PRPSAP2: variants seen among roughly 807,000 people sequenced by gnomAD.
PRPSAP2 encodes the protein phosphoribosyl pyrophosphate synthase-associated protein 2.
Under a neutral mutation model 40.6 loss-of-function variants are expected in PRPSAP2, and 24 were observed. The ratio of observed to expected loss-of-function variants is 0.59; its 90% CI spans 0.43 to 0.83. The LOEUF is 0.83. PRPSAP2 is among the 40% of genes least tolerant of loss of function. The pLI is 0.00. For synonymous variants in PRPSAP2, 149 were observed against 164.7 expected, an observed-to-expected ratio of 0.90 and a Z score of 0.73; for missense variants, 292 against 465.6, an observed-to-expected ratio of 0.63 and a Z score of 3.43.
At chr17:18,910,965 G>A in intron 8 of PRPSAP2, 138 bp from the exon 9 acceptor site, 1 of 1,042,304 alleles carries the variant, frequency 9.6e-7, no homozygotes. Flanking sequence ...AAGAGTCTAA[G>A]GCTGTTTTAT....
intron 5 of PRPSAP2, among the ~76,000 whole-genome samples, chr17:18,876,792 A>C (rs1485705113): frequency 6.6e-6 from 1 of 152,036 alleles, no homozygotes; most frequent in Non-Finnish European, 1.5e-5. Context: ...GGTGAGGGAG[A>C]GTCAGGTGAC....
chr17:18,909,461 G>A (rs1225080142), intron 8 of PRPSAP2, among the ~76,000 whole-genome samples: 1 of 151,740 alleles, frequency 6.6e-6, no homozygotes, highest in African/African-American at 2.4e-5. Flanking sequence ...AGCCAGGATG[G>A]TCTTGATCTC....
At chr17:18,857,678 G>C, upstream of PRPSAP2, 1 of 151,500 alleles carries the variant, frequency 6.6e-6, no homozygotes, top group Non-Finnish European at 1.5e-5. Flanking sequence ...CCTCAGCCTC[G>C]CAAAGTGCTG....
At chr17:18,916,976 C>T (rs1188449670) in intron 9 of PRPSAP2, among the ~76,000 whole-genome samples, 2 of 152,194 alleles carry the variant, frequency 1.3e-5, no homozygotes, top group East Asian at 3.8e-4. Context: ...AGGACACCAT[C>T]TTCAGACCAC....
chr17:18,913,092 G>A (rs1406381379), intron 9 of PRPSAP2, among the ~76,000 whole-genome samples: 1 of 152,216 alleles, frequency 6.6e-6, no homozygotes, highest in African/African-American at 2.4e-5. Context: ...TTGCACTCTA[G>A]TGGTTCTACC....
At chr17:18,907,191 A>T (rs1381028527) in intron 8 of PRPSAP2, among the ~76,000 whole-genome samples, 2 of 152,112 alleles carry the variant, frequency 1.3e-5, no homozygotes, top group African/African-American at 4.8e-5. Context: ...AACATTTACC[A>T]TGCATTAGGT....
At position 18,902,294 on chromosome 17, in the gene PRPSAP2, T is replaced by G. The variant is rs369538534; in HGVS notation, c.585-8809T>G. On this transcript the variant is annotated intron_variant, in intron 8 of 11. Transcript: ENST00000268835. The stretch of plus-strand genomic sequence containing the variant: ...GTTTGTCATTCATCTGTTCAAATGT[T>G]TATTGAGAACCTATTTTGCTGGGGC... 9.2e-5 allele frequency among the ~76,000 whole-genome samples: 14 copies of G among 152,220 alleles called. No homozygotes were observed. In the East Asian group the frequency reaches 2.3e-3, roughly 25 times the overall value.
chr17:18,919,287 T>A (rs960752830), intron 9 of PRPSAP2, among the ~76,000 whole-genome samples: 1 of 151,972 alleles, frequency 6.6e-6, no homozygotes, highest in Non-Finnish European at 1.5e-5. Context: ...GGTGGGTGGA[T>A]CATGAGGTCA....
chr17:18,908,363 T>G lies in PRPSAP2; in HGVS notation c.585-2740T>G, dbSNP rs552689804. Reference sequence around the variant, plus strand: ...TGACCCTCAGTTTGAGCCAATAGTTTCTCTTCCTGAGCAAGAAATTAAAAC... The same window carrying G: ...TGACCCTCAGTTTGAGCCAATAGTTGCTCTTCCTGAGCAAGAAATTAAAAC... On this transcript the variant is annotated intron_variant, in intron 8 of 11. Coordinates refer to ENST00000268835, the MANE Select transcript of PRPSAP2 (RefSeq NM_002767.4). 95 of 773,484 alleles carry G rather than the reference T, an allele frequency of 1.2e-4. No homozygotes were observed. In the African/African-American group the frequency reaches 1.5e-3, roughly 13 times the overall value. 47.9% of individuals were successfully genotyped at this position (773,484 alleles called of 1,614,324 possible). A position where few individuals can be genotyped will look rare whatever the true frequency, so the allele number is the denominator to read the frequency against.
At chr17:18,891,738 T>C (rs1452398005) in intron 8 of PRPSAP2, among the ~76,000 whole-genome samples, 1 of 152,228 alleles carries the variant, frequency 6.6e-6, no homozygotes, top group Non-Finnish European at 1.5e-5. Context: ...TCATTCCTTA[T>C]CCCTTCACCT....
Position 18,930,756 on chromosome 17 carries a change from G to A in PRPSAP2, c.*58G>A. On this transcript the variant is annotated 3_prime_UTR_variant, in exon 12 of 12. Transcript: ENST00000268835. ...CTGGAAACATAAGAGTGACTGCTCG[G>A]TGGGATGGATTTCACAGGAACCGTC... 3 of 1,455,388 alleles carry A rather than the reference G, an allele frequency of 2.1e-6. No homozygotes were observed. The highest frequency in any genetic ancestry group is 2.8e-6 in the Non-Finnish European group (3 of 1,067,142). 90.2% of individuals were successfully genotyped at this position (1,455,388 alleles called of 1,614,324 possible). A position where few individuals can be genotyped will look rare whatever the true frequency, so the allele number is the denominator to read the frequency against.
intron 10 of PRPSAP2, 118 bp from the exon 11 acceptor site, chr17:18,928,693 C>G (rs1361546298): frequency 1.4e-6 from 2 of 1,391,290 alleles, no homozygotes; most frequent in South Asian, 1.2e-5. Context: ...TGCACAAGGC[C>G]AAGTGGAAGA....
intron 8 of PRPSAP2, among the ~76,000 whole-genome samples, chr17:18,901,472 C>T (rs950496537): frequency 4.6e-5 from 7 of 151,608 alleles, no homozygotes; most frequent in Non-Finnish European, 1.0e-4. Context: ...CTCCGCCTCC[C>T]GGGTTCATGC....
intron 8 of PRPSAP2, among the ~76,000 whole-genome samples, chr17:18,898,156 G>A (rs1047173871): frequency 6.6e-6 from 1 of 151,564 alleles, no homozygotes; most frequent in African/African-American, 2.4e-5. Flanking sequence ...GCGCCACCAC[G>A]CCCAGCTAAT....
At chr17:18,910,223 C>T (rs1345689745) in intron 8 of PRPSAP2, among the ~76,000 whole-genome samples, 1 of 152,102 alleles carries the variant, frequency 6.6e-6, no homozygotes, top group African/African-American at 2.4e-5. Flanking sequence ...AGTTCGAGAC[C>T]AGTCTGGCTA....
chr17:18,890,304 G>A (rs1262430006), intron 8 of PRPSAP2, among the ~76,000 whole-genome samples: 1 of 151,968 alleles, frequency 6.6e-6, no homozygotes, highest in Non-Finnish European at 1.5e-5. Flanking sequence ...CAAGTAGCTG[G>A]GATTACAGGC....
At chr17:18,892,727 G>GTGTGTGTATT (rs60288281) in intron 8 of PRPSAP2, among the ~76,000 whole-genome samples, 1 of 126,626 alleles carries the variant, frequency 7.9e-6, no homozygotes, top group Non-Finnish European at 1.7e-5. Context: ...GTGTGTGTGT[G>GTGTGTGTATT]TATTTATTTA....
intron 4 of PRPSAP2, among the ~76,000 whole-genome samples, chr17:18,871,081 G>A (rs1567675665): frequency 6.6e-6 from 1 of 151,790 alleles, no homozygotes; most frequent in Non-Finnish European, 1.5e-5. Flanking sequence ...GTGCAGTGGT[G>A]CGATCTTGGC....
chr17:18,894,411 G>A (rs568616165), intron 8 of PRPSAP2, among the ~76,000 whole-genome samples: 29 of 151,356 alleles, frequency 1.9e-4, no homozygotes, highest in African/African-American at 7.0e-4. Flanking sequence ...TGCCTGCCTC[G>A]GCATCCCAAA....
Sources: allele counts gnomAD v4.1 joint callset (sites outside exome capture counted in the v4.1 genomes callset), GRCh38; gene constraint gnomAD v4.1.1; transcripts MANE v1.5; gene names NCBI Gene and HGNC (gene_info 2026-07-23, HGNC 2026-07-21).